Variants in ERC2 observed in about 807,000 individuals in gnomAD.
The protein encoded by ERC2 is ELKS/RAB6-interacting/CAST family member 2.
Under a neutral mutation model 114.8 loss-of-function variants are expected in ERC2, and 42 were observed. The observed-to-expected ratio is 0.37, with a 90% CI of 0.29 to 0.47. The LOEUF is 0.47. ERC2 is among the 20% of genes least tolerant of loss of function. ERC2 has a pLI of 0.99. For missense variants in ERC2, 939 were observed against 1,150.7 expected, an observed-to-expected ratio of 0.82 and a Z score of 2.66; for synonymous variants, 454 against 425.5, an observed-to-expected ratio of 1.07 and a Z score of -0.82.
At chr3:55,721,776 C>T (rs139973410) in intron 15 of ERC2, among the ~76,000 whole-genome samples, 1 of 152,294 alleles carries the variant, frequency 6.6e-6, no homozygotes, top group East Asian at 1.9e-4. Flanking sequence ...CATTAGACCC[C>T]CAAACCAGGA....
intron 2 of ERC2, among the ~76,000 whole-genome samples, chr3:56,343,890 A>T (rs952258871): frequency 2.0e-5 from 3 of 152,196 alleles, no homozygotes; most frequent in African/African-American, 4.8e-5. Context: ...TGTTGTTTTC[A>T]GAAGCCACAA....
chr3:55,768,104 A>G (rs1317980190), intron 14 of ERC2, among the ~76,000 whole-genome samples: 1 of 152,020 alleles, frequency 6.6e-6, no homozygotes, highest in Non-Finnish European at 1.5e-5. Flanking sequence ...TTCACCTTCT[A>G]CTATGATTGT....
intron 14 of ERC2, among the ~76,000 whole-genome samples, chr3:55,756,405 T>C (rs1338256345): frequency 6.6e-6 from 1 of 152,186 alleles, no homozygotes; most frequent in Non-Finnish European, 1.5e-5. Context: ...ATATTCTTGG[T>C]CTCACTTTAA....
At chr3:55,711,093 T>C in intron 15 of ERC2, among the ~76,000 whole-genome samples, 1 of 152,190 alleles carries the variant, frequency 6.6e-6, no homozygotes, top group Non-Finnish European at 1.5e-5. Flanking sequence ...AGTACTATGG[T>C]ATTAATTTCC....
intron 14 of ERC2, among the ~76,000 whole-genome samples, chr3:55,837,469 C>T (rs9755857): frequency 0.35 from 53,020 of 151,522 alleles, 11,368 homozygotes; most frequent in African/African-American, 0.6. Context: ...ATGGATGAAA[C>T]TGGAAATCAT....
intron 3 of ERC2, among the ~76,000 whole-genome samples, chr3:56,259,964 C>T (rs767843851): frequency 2.7e-4 from 41 of 152,296 alleles, no homozygotes; most frequent in Non-Finnish European, 3.4e-4. Flanking sequence ...CGGGTTCCCA[C>T]CACCAGCGCT....
chr3:55,792,246 G>T (rs2070098447), intron 14 of ERC2, among the ~76,000 whole-genome samples: 1 of 152,122 alleles, frequency 6.6e-6, no homozygotes, highest in Non-Finnish European at 1.5e-5. Flanking sequence ...TGCACTGACT[G>T]CTAACTCAGC....
chr3:55,695,710 A>C (rs1404546099), intron 16 of ERC2, among the ~76,000 whole-genome samples: 1 of 152,200 alleles, frequency 6.6e-6, no homozygotes, highest in Non-Finnish European at 1.5e-5. Flanking sequence ...GCTGCCGGAA[A>C]ATCCCACCTT....
intron 2 of ERC2, among the ~76,000 whole-genome samples, chr3:56,370,770 T>C (rs2059336565): frequency 1.3e-5 from 2 of 152,140 alleles, no homozygotes; most frequent in African/African-American, 4.8e-5. Context: ...AATTTTTGTA[T>C]GTTTAGTAGA....
chr3:55,867,608 G>A (rs1295860627), intron 14 of ERC2, among the ~76,000 whole-genome samples: 4 of 152,214 alleles, frequency 2.6e-5, no homozygotes, highest in Non-Finnish European at 5.9e-5. Flanking sequence ...ATGTATGCAT[G>A]AGAAAAGAGA....
chr3:55,689,820 A>G (rs2062546215), intron 16 of ERC2, among the ~76,000 whole-genome samples: 1 of 152,038 alleles, frequency 6.6e-6, no homozygotes, highest in East Asian at 1.9e-4. Context: ...GAAAAAAAAA[A>G]GAAAAGAAAA....
At chr3:56,141,632 C>T (rs1026554500) in intron 5 of ERC2, among the ~76,000 whole-genome samples, 19 of 152,168 alleles carry the variant, frequency 1.2e-4, no homozygotes, top group African/African-American at 4.3e-4. Flanking sequence ...TACAACTATA[C>T]CAAAAGTATT....
In ERC2 at chr3:55,997,646, G is replaced by A. The variant is rs183546913; in HGVS notation, c.2062-5396C>T. ...AGGGAAGAAAAAGAACCCAACTGAA[G>A]ATAACCTGCATAGTGTTTCTAATAA... is the stretch of plus-strand genomic sequence containing the variant. On this transcript the variant is annotated intron_variant, in intron 10 of 17. Coordinates refer to ENST00000288221, the MANE Select transcript of ERC2 (RefSeq NM_015576.3). Among the ~76,000 whole-genome samples, 89 of 149,828 alleles carry A rather than the reference G, an allele frequency of 5.9e-4. No individual in the cohort carries two copies. In the East Asian group the frequency reaches 0.015, roughly 24 times the overall value.
chr3:55,548,246 T>G (rs1292945821), intron 17 of ERC2, among the ~76,000 whole-genome samples: 2 of 152,264 alleles, frequency 1.3e-5, no homozygotes, highest in Non-Finnish European at 2.9e-5. Context: ...ACATGGGCAA[T>G]GCCCTCCATA....
chr3:56,458,652 C>T (rs1185491814), intron 1 of ERC2, among the ~76,000 whole-genome samples: 1 of 152,110 alleles, frequency 6.6e-6, no homozygotes. Flanking sequence ...ACGAATGCCA[C>T]GCTGTTATCC....
intron 14 of ERC2, among the ~76,000 whole-genome samples, chr3:55,862,036 A>G (rs2062050464): frequency 6.6e-6 from 1 of 152,212 alleles, no homozygotes; most frequent in African/African-American, 2.4e-5. Flanking sequence ...GTTCTCTGCT[A>G]TGGCCTTTTA....
chr3:55,594,797 C>T (rs1021104268), intron 17 of ERC2, among the ~76,000 whole-genome samples: 9 of 152,100 alleles, frequency 5.9e-5, no homozygotes, highest in Admixed American at 1.3e-4. Context: ...CAGGTAGTTA[C>T]AGATAACTCT....
rs1405250908 is a variant in ERC2 at position 56,435,014 on chromosome 3, T to G, written c.-7A>C. The G allele has an allele frequency of 5.6e-6, 9 of 1,600,202 alleles. No individual in the cohort carries two copies. In the African/African-American group the frequency reaches 6.7e-5, roughly 12 times the overall value. On this transcript the variant is annotated 5_prime_UTR_variant, in exon 2 of 18. Transcript: ENST00000288221. Reference sequence around the variant, plus strand: ...TTCTTGCACTTCCATACATTTTTCTTGTATTATGAGGTGTTACTGAAGAGA... The same window carrying G: ...TTCTTGCACTTCCATACATTTTTCTGGTATTATGAGGTGTTACTGAAGAGA...
chr3:56,432,792 C>A (rs569936207), intron 2 of ERC2, among the ~76,000 whole-genome samples: 1 of 152,282 alleles, frequency 6.6e-6, no homozygotes, highest in African/African-American at 2.4e-5. Context: ...GTTCAGTCAA[C>A]TTAGAGTTAT....
Sources: gnomAD v4.1 joint callset for allele counts (sites outside exome capture counted in the v4.1 genomes callset) on GRCh38, gnomAD v4.1.1 for gene constraint, MANE v1.5 for transcripts, NCBI Gene and HGNC (gene_info 2026-07-23, HGNC 2026-07-21) for gene names.